Variants in MYO7A observed in about 807,000 individuals in gnomAD.
MYO7A encodes unconventional myosin-VIIa.
A neutral mutation model predicts 263.8 loss-of-function variants in MYO7A; 210 were observed. The observed-to-expected ratio is 0.80, with a 90% CI of 0.71 to 0.89. The LOEUF (loss-of-function observed/expected upper bound fraction) is 0.89, where lower values mean the gene tolerates loss of function less well. Among genes scored for constraint, MYO7A ranks in the 40% least tolerant of loss-of-function variants. The pLI is 0.00. For missense variants in MYO7A, 2,820 were observed against 2,968.3 expected, an observed-to-expected ratio of 0.95 and a Z score of 1.16; for synonymous variants, 1,239 against 1,197.3, an observed-to-expected ratio of 1.03 and a Z score of -0.72.
rs781801358 is a variant in MYO7A at position 77,166,170 on chromosome 11, G to T, written c.1797+8G>T. The T allele has an allele frequency of 6.2e-7, 1 of 1,612,980 alleles. No individual in the cohort carries two copies. Among genetic ancestry groups the T allele is most frequent in the Admixed American group, 1.7e-5 (1 of 59,968 alleles). On this transcript the variant is annotated splice_region_variant and intron_variant, in intron 15 of 48. Transcript: ENST00000409709. ...CAGGCCGATGTCGCCATGGTAAGCC[G>T]GGTGCGGTTTCTGTTGTTCGGGAAG...
Position 77,142,778 on chromosome 11 carries a change from CT to C in MYO7A, c.89del (p.Leu30ProfsTer41). The C allele has an allele frequency of 1.2e-6, 2 of 1,611,332 alleles. No individual in the cohort carries two copies. The highest frequency in any genetic ancestry group is 1.7e-6 in the Non-Finnish European group (2 of 1,179,034). The stretch of plus-strand genomic sequence containing the variant: ...CGTGCCCATCGGGGCGGTGGTGAAG[CT>C]CTGCGACTCTGGGCAGGTCCAGGTG... Reference protein sequence around the residue: ...FDVPIGAVVKLCDSGQVQVVD... With the variant: ...FDVPIGAVVKXCDSGQVQVVD... On this transcript the variant is annotated frameshift_variant, in exon 3 of 49. Transcript: ENST00000409709. LOFTEE classifies it high-confidence loss of function.
Position 77,163,360 on chromosome 11 carries a change from A to C in MYO7A, c.1690+372A>C, listed in dbSNP as rs996498637. Among the ~76,000 whole-genome samples the C allele has an allele frequency of 5.9e-5, 9 of 152,292 alleles. 1 individual carries two copies. Among genetic ancestry groups the C allele is most frequent in the Admixed American group, 5.9e-4 (9 of 15,298 alleles). The stretch of plus-strand genomic sequence containing the variant: ...AAGTGGAATCATATGCTATGGCCAT[A>C]CATCGTTTAACGTCATTTCTGAGAA... On this transcript the variant is annotated intron_variant, in intron 14 of 48. Transcript: ENST00000409709.
At chr11:77,175,076 G>C (rs12288356) in intron 17 of MYO7A, among the ~76,000 whole-genome samples, 162 bp downstream of exon 17, 1 of 152,174 alleles carries the variant, frequency 6.6e-6, no homozygotes, top group African/African-American at 2.4e-5. Context: ...TGCATCAGTG[G>C]GCTTCAGTTG....
chr11:77,141,115 C>T (rs1180365908), intron 2 of MYO7A, among the ~76,000 whole-genome samples: 1 of 152,214 alleles, frequency 6.6e-6, no homozygotes, highest in African/African-American at 2.4e-5. Context: ...GCTACCCCAT[C>T]CAGCCTAGGT....
intron 21 of MYO7A, 22 bp from the exon 22 acceptor site, chr11:77,180,352 T>C: frequency 6.2e-7 from 1 of 1,604,698 alleles, no homozygotes; most frequent in Non-Finnish European, 8.5e-7. Flanking sequence ...TTCCATGCCC[T>C]CTGGATGCCC....
intron 15 of MYO7A, among the ~76,000 whole-genome samples, chr11:77,171,425 C>A (rs1954081109): frequency 6.6e-6 from 1 of 152,208 alleles, no homozygotes; most frequent in Non-Finnish European, 1.5e-5. Context: ...TACCGCATTG[C>A]AAATACTCCC....
At chr11:77,135,717 A>G (rs1305785179) in intron 2 of MYO7A, among the ~76,000 whole-genome samples, 2 of 146,902 alleles carry the variant, frequency 1.4e-5, no homozygotes, top group African/African-American at 5.3e-5. Flanking sequence ...TTTTCTCCAC[A>G]TCTTTACCAA....
chr11:77,179,211 C>G, intron 20 of MYO7A, 82 bp downstream of exon 20: 3 of 1,279,234 alleles, frequency 2.3e-6, no homozygotes, highest in Non-Finnish European at 3.3e-6. Context: ...CTGGCCTGCA[C>G]CCAGGCAGCA....
intron 19 of MYO7A, among the ~76,000 whole-genome samples, chr11:77,178,583 T>A (rs1198637059): frequency 6.6e-6 from 1 of 152,166 alleles, no homozygotes; most frequent in African/African-American, 2.4e-5. Context: ...CTGTCCTCTA[T>A]CAGGCTGAAG....
chr11:77,147,735 C>A (rs1555054472), intron 3 of MYO7A, 63 bp from the exon 4 acceptor site: 3 of 1,584,450 alleles, frequency 1.9e-6, no homozygotes, highest in Admixed American at 3.6e-5. Context: ...CGTCCCGGCC[C>A]CTTCCCCTGA....
chr11:77,189,338 GCC>G lies in MYO7A; in HGVS notation c.3504-4_3504-3del. ...TTCCCCCTCCCTTGCCCTGCTGCCT[GCC>G]CAGGGACGAGATCTACTGCCAGATC... On this transcript the variant is annotated splice_region_variant and splice_polypyrimidine_tract_variant and intron_variant, in intron 27 of 48. Transcript: ENST00000409709. 6.2e-7 allele frequency: 1 copy of G among 1,612,994 alleles called. No homozygotes were observed. Among genetic ancestry groups the G allele is most frequent in the Non-Finnish European group, 8.5e-7 (1 of 1,179,854 alleles).
chr11:77,178,822 C>A (rs1156712979), intron 19 of MYO7A, among the ~76,000 whole-genome samples: 1 of 152,068 alleles, frequency 6.6e-6, no homozygotes, highest in African/African-American at 2.4e-5. Flanking sequence ...GAATGTCTAC[C>A]TTCATGGGCT....
intron 2 of MYO7A, among the ~76,000 whole-genome samples, chr11:77,139,775 G>A (rs1951094615): frequency 6.6e-6 from 1 of 152,128 alleles, no homozygotes; most frequent in Non-Finnish European, 1.5e-5. Flanking sequence ...AGTCCTGTCA[G>A]TCACTGATTT....
rs1951686994 is a variant in MYO7A, at chr11:77,147,842, G to A, written c.177G>A (p.Met59Ile). ...SPQNATHIKP[M>I]HPTSVHGVED... The stretch of plus-strand genomic sequence containing the variant: ...AGAACGCAACGCACATCAAGCCTAT[G>A]CACCCCACGTCGGTCCACGGCGTGG... Residue 59 changes from methionine (M) to isoleucine (I), a missense_variant, in exon 4 of 49, where the codon ATG becomes ATA. Met to Ile is a conservative substitution (Grantham distance 10, BLOSUM62 1). Coordinates refer to ENST00000409709, the MANE Select transcript of MYO7A (RefSeq NM_000260.4). 1 of 1,610,192 alleles carries A rather than the reference G, an allele frequency of 6.2e-7. No homozygotes were observed. Among genetic ancestry groups the A allele is most frequent in the Non-Finnish European group, 8.5e-7 (1 of 1,178,858 alleles).
chr11:77,180,051 G>C (rs1014370457), intron 21 of MYO7A, 98 bp downstream of exon 21: 28 of 1,264,792 alleles, frequency 2.2e-5, no homozygotes, highest in East Asian at 1.0e-4. Flanking sequence ...GGACCTATAG[G>C]GGGGACCTGC....
At chr11:77,209,093 G>A (rs1174588159) in intron 44 of MYO7A, 3 of 388,604 alleles carry the variant, frequency 7.7e-6, no homozygotes, top group African/African-American at 6.0e-5. Flanking sequence ...TCGAGATTCT[G>A]CTGTTGTAAC....
chr11:77,142,966 A>G, intron 3 of MYO7A, 144 bp downstream of exon 3: 1 of 672,004 alleles, frequency 1.5e-6, no homozygotes, highest in East Asian at 2.8e-5. Flanking sequence ...CCCTTCCATG[A>G]GCTTTCCCCA....
chr11:77,196,795 G>A (rs1956700576), intron 32 of MYO7A, among the ~76,000 whole-genome samples: 1 of 152,098 alleles, frequency 6.6e-6, no homozygotes, highest in African/African-American at 2.4e-5. Flanking sequence ...CTATGCCTGT[G>A]TCTACATTCT....
intron 15 of MYO7A, among the ~76,000 whole-genome samples, chr11:77,166,515 G>A (rs887164803): frequency 7.9e-5 from 12 of 152,166 alleles, no homozygotes; most frequent in African/African-American, 2.4e-4. Context: ...AGGATGTGGG[G>A]TGGGTGTGGA....
Sources: gnomAD v4.1 joint callset for allele counts (sites outside exome capture counted in the v4.1 genomes callset) on GRCh38, gnomAD v4.1.1 for gene constraint, MANE v1.5 for transcripts, NCBI Gene and HGNC (gene_info 2026-07-23, HGNC 2026-07-21) for gene names.